The following CCDC33 variants were observed in gnomAD, a reference collection of about 807,000 sequenced individuals.
CCDC33 encodes coiled-coil domain-containing protein 33.
In CCDC33, 94 loss-of-function variants were observed where a neutral mutation model predicts 91.9. The observed-to-expected ratio is 1.02, with a 90% CI of 0.87 to 1.21. The LOEUF (loss-of-function observed/expected upper bound fraction) is 1.21. Among genes scored for constraint, CCDC33 ranks in the 50% most tolerant of loss-of-function variants. The probability of loss-of-function intolerance (pLI) is 0.00; values close to 1 mark genes in which losing one functional copy is unlikely to be tolerated. For synonymous variants in CCDC33, 396 were observed against 374.5 expected (o/e 1.06, Z -0.66); for missense variants, 940 against 935.5 (o/e 1.00, Z -0.06).
At chr15:74,282,001 G>A in intron 10 of CCDC33, 152 bp downstream of exon 10, 2 of 648,292 alleles carry the variant, frequency 3.1e-6, no homozygotes, top group South Asian at 4.0e-5. Flanking sequence ...TGAGACTCCA[G>A]ACAAACGTAG....
At chr15:74,276,528 C>T (rs1283015566) in intron 7 of CCDC33, among the ~76,000 whole-genome samples, 1 of 152,190 alleles carries the variant, frequency 6.6e-6, no homozygotes, top group East Asian at 1.9e-4. Flanking sequence ...CCCACAGACC[C>T]TGCCCTAGTG....
chr15:74,269,469 G>A (rs2930308), intron 5 of CCDC33, among the ~76,000 whole-genome samples: 76,973 of 152,076 alleles, frequency 0.51, 24,046 homozygotes, highest in Non-Finnish European at 0.7. Flanking sequence ...TCTGATGCCA[G>A]CATATCAGAC....
chr15:74,316,046 G>A lies in CCDC33; in HGVS notation c.1291-14143G>A, dbSNP rs752262144. Among the ~76,000 whole-genome samples the A allele has an allele frequency of 1.3e-5, 2 of 151,940 alleles. No individual in the cohort carries two copies. The highest frequency in any genetic ancestry group is 2.1e-4 in the South Asian group (1 of 4,810). ...TAGCTCCACAAAGAGCCCTGCCCTA[G>A]TCTTCACATAGTAATTGTCTTGTGT... On this transcript the variant is annotated intron_variant, in intron 11 of 18. Transcript: ENST00000398814. This position sits in a 1 kb window ranked among gnomAD's most constrained non-coding sequence, Gnocchi z 4.7.
chr15:74,321,643 C>T (rs1362245578), intron 11 of CCDC33, among the ~76,000 whole-genome samples: 1 of 152,144 alleles, frequency 6.6e-6, no homozygotes, highest in Admixed American at 6.5e-5. Flanking sequence ...GTGAGTGATC[C>T]GCCCCCCTCG....
chr15:74,221,761 A>G (rs1217048148), intron 2 of CCDC33, among the ~76,000 whole-genome samples: 3 of 152,060 alleles, frequency 2.0e-5, no homozygotes, highest in South Asian at 2.1e-4. Flanking sequence ...CTAGAGGGCT[A>G]ACTATTTCCA....
intron 12 of CCDC33, 101 bp downstream of exon 12, chr15:74,330,455 C>G (rs2060407179): frequency 7.5e-7 from 1 of 1,338,394 alleles, no homozygotes. Context: ...GATGTGCATG[C>G]TGCTGGACTC....
intron 11 of CCDC33, among the ~76,000 whole-genome samples, chr15:74,324,872 ACCT>A (rs1229540851): frequency 9.9e-5 from 5 of 50,578 alleles, no homozygotes; most frequent in Non-Finnish European, 1.9e-4. Context: ...CTCATCCCCC[ACCT>A]CCTCCTTCTC....
downstream of CCDC33, chr15:74,336,398 T>A: frequency 7.6e-7 from 1 of 1,318,192 alleles, no homozygotes; most frequent in Non-Finnish European, 9.9e-7. Flanking sequence ...ACCAGCTCTG[T>A]TGGGAAATAC....
At chr15:74,325,239 C>T (rs1204499162) in intron 11 of CCDC33, among the ~76,000 whole-genome samples, 1 of 112,952 alleles carries the variant, frequency 8.9e-6, no homozygotes, top group Non-Finnish European at 2.2e-5. Flanking sequence ...GGATGGAATC[C>T]AAGCTCCTGA....
Position 74,206,947 on chromosome 15 carries a change from C to T in CCDC33, n.90-2441C>T, listed in dbSNP as rs183597205. ...GGCACAGATTGGCGGGTGGCTAAGC[C>T]CTGCTCACTATGGGAGGAGGTCCTA... On this transcript the variant is annotated intron_variant and non_coding_transcript_variant, in intron 1 of 3. Transcript: ENST00000558645. Among the ~76,000 whole-genome samples, 450 of 152,292 alleles carry T rather than the reference C, an allele frequency of 3.0e-3. 1 individual carries two copies. Among genetic ancestry groups the T allele is most frequent in the African/African-American group, 0.01 (431 of 41,558 alleles).
rs771071484 is a variant in CCDC33 at position 74,295,989 on chromosome 15, T to C, written c.1290+41T>C. 17 of 1,545,142 alleles carry C rather than the reference T, an allele frequency of 1.1e-5. No individual in the cohort carries two copies. In the East Asian group the frequency reaches 1.9e-4, roughly 17 times the overall value. ...CAGGTGGGAAGGGCCGGGGCAGTGA[T>C]GAGGCCATGGGAAGGGGACTTGACT... On this transcript the variant is annotated intron_variant, in intron 11 of 18. Coordinates refer to ENST00000398814, the MANE Select transcript of CCDC33 (RefSeq NM_025055.5).
chr15:74,321,144 C>T (rs1462773039), intron 11 of CCDC33, among the ~76,000 whole-genome samples: 2 of 152,214 alleles, frequency 1.3e-5, no homozygotes, highest in African/African-American at 4.8e-5. Flanking sequence ...GCTTTTGCTC[C>T]CTGGTCTCTG....
At chr15:74,319,175 C>T (rs1162702552) in intron 11 of CCDC33, among the ~76,000 whole-genome samples, 2 of 152,208 alleles carry the variant, frequency 1.3e-5, no homozygotes, top group Admixed American at 1.3e-4. Flanking sequence ...GTTGCCAAAG[C>T]ATTTCTTCTT....
At chr15:74,259,677 C>A (rs1156364338) in intron 2 of CCDC33, among the ~76,000 whole-genome samples, 1 of 152,208 alleles carries the variant, frequency 6.6e-6, no homozygotes, top group Non-Finnish European at 1.5e-5. Flanking sequence ...CCTTGCCTTG[C>A]CCCGTCACCT....
intron 10 of CCDC33, among the ~76,000 whole-genome samples, chr15:74,288,305 A>T (rs2142544041): frequency 6.6e-6 from 1 of 152,296 alleles, no homozygotes; most frequent in Non-Finnish European, 1.5e-5. Context: ...TGGCATCTCC[A>T]GCCTGAACCC....
chr15:74,290,024 A>G (rs2059555370), intron 10 of CCDC33, among the ~76,000 whole-genome samples: 1 of 152,114 alleles, frequency 6.6e-6, no homozygotes, highest in African/African-American at 2.4e-5. Context: ...AAGCTTCTAG[A>G]CAAAACTTCT....
intron 10 of CCDC33, among the ~76,000 whole-genome samples, chr15:74,295,344 A>T (rs2059664098): frequency 6.6e-6 from 1 of 152,246 alleles, no homozygotes; most frequent in African/African-American, 2.4e-5. Context: ...CTATGAACAC[A>T]GTAAAATGGG....
intron 2 of CCDC33, among the ~76,000 whole-genome samples, chr15:74,226,203 G>A (rs2074790971): frequency 6.6e-6 from 1 of 152,240 alleles, no homozygotes; most frequent in Non-Finnish European, 1.5e-5. Flanking sequence ...TGTGGAGGAA[G>A]TGGTGGGCAT....
chr15:74,250,618 C>G (rs542623101), intron 2 of CCDC33, among the ~76,000 whole-genome samples: 1 of 152,168 alleles, frequency 6.6e-6, no homozygotes, highest in South Asian at 2.1e-4. Flanking sequence ...TGATTATGTG[C>G]GTACTCTTTG....
Sources: allele counts gnomAD v4.1 joint callset (sites outside exome capture counted in the v4.1 genomes callset), GRCh38; gene constraint gnomAD v4.1.1; non-coding constraint Gnocchi (gnomAD v3.1); transcripts MANE v1.5; gene names NCBI Gene and HGNC (gene_info 2026-07-23, HGNC 2026-07-21).